Variants in ESR2 observed in about 807,000 individuals in gnomAD.
The protein encoded by ESR2 is estrogen receptor 2.
ESR2 carries 36 observed loss-of-function variants against 49.6 expected under a neutral mutation model. The ratio of observed to expected loss-of-function variants is 0.73; its 90% CI spans 0.56 to 0.96. ESR2 has a LOEUF of 0.96. Ranked by LOEUF, ESR2 falls within the 40% of genes least tolerant of loss-of-function variation. ESR2 has a pLI of 0.00. For missense variants in ESR2, 714 were observed against 693.0 expected, an observed-to-expected ratio of 1.03 and a Z score of -0.34; for synonymous variants, 320 against 266.1, an observed-to-expected ratio of 1.20 and a Z score of -1.97.
chr14:64,303,248 C>G (rs546634761), intron 1 of ESR2, among the ~76,000 whole-genome samples: 1 of 152,162 alleles, frequency 6.6e-6, no homozygotes, highest in Non-Finnish European at 1.5e-5. Context: ...CTTCTTTTTT[C>G]AAACAACCCA....
chr14:64,252,320 A>C (rs1369375429), intron 6 of ESR2, among the ~76,000 whole-genome samples: 1 of 152,112 alleles, frequency 6.6e-6, no homozygotes, highest in Non-Finnish European at 1.5e-5. Context: ...TAAAAAAAAA[A>C]AAACAAAAAC....
downstream of ESR2, chr14:64,228,071 G>A (rs889947783): frequency 7.3e-7 from 1 of 1,376,162 alleles, no homozygotes; most frequent in Non-Finnish European, 9.3e-7. Context: ...AATCACAAGT[G>A]TGAGATTAGC....
intron 1 of ESR2, among the ~76,000 whole-genome samples, chr14:64,307,395 AG>A (rs2077118617): frequency 6.6e-6 from 1 of 150,716 alleles, no homozygotes; most frequent in Non-Finnish European, 1.5e-5. Context: ...TTGTATTTTT[AG>A]TAGAGATGGG....
chr14:64,302,144 C>A (rs1351404928), intron 1 of ESR2, among the ~76,000 whole-genome samples: 2 of 149,094 alleles, frequency 1.3e-5, no homozygotes, highest in African/African-American at 5.0e-5. Context: ...ACCTGGGTCA[C>A]TTTTTTATTT....
At chr14:64,282,277 G>A (rs936378629) in intron 2 of ESR2, among the ~76,000 whole-genome samples, 2 of 152,312 alleles carry the variant, frequency 1.3e-5, no homozygotes, top group Non-Finnish European at 2.9e-5. Flanking sequence ...CCCAGGAGGT[G>A]AAGGTTGCAG....
At chr14:64,279,623 A>G (rs558439481) in intron 3 of ESR2, among the ~76,000 whole-genome samples, 21 of 152,322 alleles carry the variant, frequency 1.4e-4, no homozygotes, top group African/African-American at 5.1e-4. Context: ...TAAGCATGCT[A>G]TATATTAAAT....
At chr14:64,279,939 A>C in intron 3 of ESR2, 42 bp downstream of exon 3, 2 of 1,559,354 alleles carry the variant, frequency 1.3e-6, no homozygotes, top group Non-Finnish European at 8.8e-7. Context: ...GTTTGAAATC[A>C]AAAGTAGGAA....
intron 2 of ESR2, among the ~76,000 whole-genome samples, chr14:64,281,328 G>T (rs974685398): frequency 1.3e-5 from 2 of 151,984 alleles, no homozygotes; most frequent in Non-Finnish European, 2.9e-5. Context: ...AATGGTAAAG[G>T]TATTATTGAT....
chr14:64,256,451 G>A (rs2076097701), intron 6 of ESR2, among the ~76,000 whole-genome samples: 1 of 152,130 alleles, frequency 6.6e-6, no homozygotes, highest in Non-Finnish European at 1.5e-5. Flanking sequence ...AAAGCAGATC[G>A]GGCATGGTGG....
chr14:64,282,515 A>T, intron 2 of ESR2, 109 bp downstream of exon 2: 1 of 1,198,184 alleles, frequency 8.3e-7, no homozygotes, highest in Non-Finnish European at 1.2e-6. Context: ...TAAACTATGT[A>T]ATTAATACAA....
chr14:64,288,857 T>A (rs2076823947), intron 1 of ESR2, among the ~76,000 whole-genome samples: 1 of 150,572 alleles, frequency 6.6e-6, no homozygotes, highest in African/African-American at 2.4e-5. Context: ...GTGGCAGCGC[T>A]TGCCTGTAAA....
At chr14:64,256,383 C>A (rs550750974) in intron 6 of ESR2, among the ~76,000 whole-genome samples, 4 of 152,256 alleles carry the variant, frequency 2.6e-5, no homozygotes, top group African/African-American at 7.2e-5. Flanking sequence ...GTTTTAGTAA[C>A]CCTTCCTTCC....
rs2076588435 is a variant in ESR2 at position 64,277,909 on chromosome 14, C to G, written c.535+2072G>C. On this transcript the variant is annotated intron_variant, in intron 3 of 8. Transcript: ENST00000341099. ...TAGAGAAGCAAAGGAAATTTACTTT[C>G]AATTGTTATTAGCTGTAGTCTCAGG... 6.6e-5 allele frequency among the ~76,000 whole-genome samples: 10 copies of G among 151,514 alleles called. No homozygotes were observed. In the South Asian group the frequency reaches 2.1e-3, roughly 32 times the overall value.
At chr14:64,249,418 A>G in intron 7 of ESR2, 128 bp downstream of exon 7, 1 of 1,100,680 alleles carries the variant, frequency 9.1e-7, no homozygotes. Context: ...AATAAAAACG[A>G]AGTCCAAAAG....
At chr14:64,244,681 A>G (rs2075811924) in intron 7 of ESR2, among the ~76,000 whole-genome samples, 2 of 152,194 alleles carry the variant, frequency 1.3e-5, no homozygotes, top group Non-Finnish European at 2.9e-5. Flanking sequence ...CCTAGTTCTC[A>G]GGTCTTTCCA....
At position 64,257,342 on chromosome 14, in the gene ESR2, G is replaced by C. The variant is rs58256696; in HGVS notation, c.975C>G (p.Phe325Leu). ...KIPGFVELSLFDQVRLLESCW... is the reference protein window; with the variant it reads ...KIPGFVELSLLDQVRLLESCW... ...AGCTCTCCAAGAGCCGCACTTGGTC[G>C]AACAGGCTGAGCTCCACAAAGCCTG... The change falls in exon 6 of 9, where the codon TTC (phenylalanine) becomes TTG (leucine). Residue 325 changes from phenylalanine (F) to leucine (L), a missense_variant. Physicochemically the swap from Phe to Leu is conservative, Grantham distance 22. Transcript: ENST00000341099. 6.2e-7 allele frequency: 1 copy of C among 1,612,972 alleles called. No individual in the cohort carries two copies. Among genetic ancestry groups the C allele is most frequent in the African/African-American group, 1.3e-5 (1 of 74,878 alleles).
intron 7 of ESR2, among the ~76,000 whole-genome samples, chr14:64,248,518 A>AG (rs2075915867): frequency 6.6e-6 from 1 of 151,016 alleles, no homozygotes; most frequent in African/African-American, 2.4e-5. Context: ...AAAAAAAAAA[A>AG]AAAAGAAAAA....
intron 1 of ESR2, among the ~76,000 whole-genome samples, chr14:64,307,505 A>G (rs2077121002): frequency 6.7e-6 from 1 of 150,224 alleles, no homozygotes; most frequent in Admixed American, 6.7e-5. Context: ...GAGCCACCAC[A>G]CCGGTCTTTT....
At chr14:64,236,957 CT>C (rs34618726) in intron 7 of ESR2, among the ~76,000 whole-genome samples, 34,254 of 145,650 alleles carry the variant, frequency 0.24, 4,033 homozygotes, top group Middle Eastern at 0.36. Context: ...GGGCACAGAC[CT>C]TTTTTTTTTT....
Sources: allele counts gnomAD v4.1 joint callset (sites outside exome capture counted in the v4.1 genomes callset), GRCh38; gene constraint gnomAD v4.1.1; transcripts MANE v1.5; gene names NCBI Gene and HGNC (gene_info 2026-07-23, HGNC 2026-07-21).